CLDN14: variants seen among roughly 807,000 people sequenced by gnomAD.
The protein encoded by CLDN14 is claudin-14.
Under a neutral mutation model 2.1 loss-of-function variants are expected in CLDN14, and 2 were observed. The ratio of observed to expected loss-of-function variants is 0.96; its 90% confidence interval spans 0.39 to 3.01. The LOEUF (loss-of-function observed/expected upper bound fraction) is 3.01, where lower values mean the gene tolerates loss of function less well. CLDN14 is among the 30% of genes most tolerant of loss of function. CLDN14 has a pLI of 0.09. For synonymous variants in CLDN14, 136 were observed against 154.4 expected, an observed-to-expected ratio of 0.88 and a Z score of 0.88; for missense variants, 298 against 328.0, an observed-to-expected ratio of 0.91 and a Z score of 0.71.
intron 1 of CLDN14, among the ~76,000 whole-genome samples, chr21:36,561,943 A>C (rs1370903168): frequency 3.7e-5 from 2 of 54,086 alleles, no homozygotes; most frequent in African/African-American, 9.4e-5. Context: ...TCTCTCAAAA[A>C]GACTTGACTT....
chr21:36,502,042 G>A (rs1285614761), intron 2 of CLDN14, among the ~76,000 whole-genome samples: 1 of 152,092 alleles, frequency 6.6e-6, no homozygotes, highest in African/African-American at 2.4e-5. Flanking sequence ...AGGCAGGATG[G>A]AAGGGGTTAA....
In CLDN14 at chr21:36,499,305, A is replaced by G. The variant is rs2087070843; in HGVS notation, c.-82+11058T>C. Among the ~76,000 whole-genome samples the G allele has an allele frequency of 6.6e-6, 1 of 152,148 alleles. No individual in the cohort carries two copies. Among genetic ancestry groups the G allele is most frequent in the African/African-American group, 2.4e-5 (1 of 41,430 alleles). On this transcript the variant is annotated intron_variant, in intron 2 of 2. Transcript: ENST00000342108. The surrounding 1 kb of genome is among the most constrained non-coding windows in gnomAD (Gnocchi z 4.7). Reference sequence around the variant, plus strand: ...TACTCTGTCGCCCAGGCTGGAGTGCAGTGGTGTGATCTCAGCTCGCTGCAA... The same window carrying G: ...TACTCTGTCGCCCAGGCTGGAGTGCGGTGGTGTGATCTCAGCTCGCTGCAA...
rs1568868900 is a variant in CLDN14 at position 36,523,791 on chromosome 21, GAAAGAAAGAA to G, written c.-219-13301_-219-13292del. ...AGAAAGAGAGAAAGAGAGAAAGAAAGAAAGAAAGAAAGAAAGAAAGAAAGAAAGAAAGAAA... is the reference window on the plus strand; with the variant it reads ...AGAAAGAGAGAAAGAGAGAAAGAAAGAGAAAGAAAGAAAGAAAGAAAGAAA... On this transcript the variant is annotated intron_variant, in intron 1 of 2. Coordinates refer to the CLDN14 transcript ENST00000342108. 2.8e-4 allele frequency among the ~76,000 whole-genome samples: 23 copies of G among 83,416 alleles called. 4 individuals are homozygous for G. In the Middle Eastern group the frequency reaches 0.014, roughly 49 times the overall value. The allele number at this position is 83,416 out of a possible 152,430, so 54.7% of individuals were successfully genotyped here. A position where few individuals can be genotyped will look rare whatever the true frequency, so the allele number is the denominator to read the frequency against.
chr21:36,562,333 G>A (rs1343928532), intron 1 of CLDN14, among the ~76,000 whole-genome samples: 2 of 152,124 alleles, frequency 1.3e-5, no homozygotes, highest in Middle Eastern at 3.2e-3. Context: ...AGGGACCCAA[G>A]GGCAGGAAGT....
At chr21:36,539,389 G>C (rs1413601468) in intron 1 of CLDN14, among the ~76,000 whole-genome samples, 2 of 128,130 alleles carry the variant, frequency 1.6e-5, no homozygotes, top group African/African-American at 8.0e-5. Flanking sequence ...TGTGTGGAGT[G>C]AGTGTGTGTG....
At chr21:36,506,608 AAAAAG>A (rs968285304) in intron 2 of CLDN14, among the ~76,000 whole-genome samples, 2 of 151,896 alleles carry the variant, frequency 1.3e-5, no homozygotes, top group African/African-American at 4.8e-5. Context: ...AAAAAAAAAA[AAAAAG>A]AAAGAACAAA....
At chr21:36,505,415 C>T (rs2087124021) in intron 2 of CLDN14, among the ~76,000 whole-genome samples, 2 of 152,138 alleles carry the variant, frequency 1.3e-5, no homozygotes. Context: ...ACGATGAAGC[C>T]ATCATACTCC....
At chr21:36,476,698 G>A (rs1265100300) in intron 1 of CLDN14, among the ~76,000 whole-genome samples, 1 of 152,124 alleles carries the variant, frequency 6.6e-6, no homozygotes, top group East Asian at 1.9e-4. Flanking sequence ...TGATCCACCC[G>A]CCTTGGACTC....
At chr21:36,478,978 C>A (rs540833958) in intron 1 of CLDN14, among the ~76,000 whole-genome samples, 26 of 152,176 alleles carry the variant, frequency 1.7e-4, no homozygotes, top group East Asian at 1.9e-4. Context: ...CACTTCCCCC[C>A]CTCTCCTGCC....
chr21:36,574,365 T>C (rs1199154014), intron 1 of CLDN14, among the ~76,000 whole-genome samples: 5 of 152,184 alleles, frequency 3.3e-5, no homozygotes, highest in African/African-American at 9.7e-5. Context: ...AATGGAATAC[T>C]ATACAGAAAT....
At chr21:36,466,329 C>T (rs1046747675) in intron 1 of CLDN14, 5 of 152,150 alleles carry the variant, frequency 3.3e-5, no homozygotes, top group African/African-American at 1.2e-4. Flanking sequence ...CTGCCCGAGA[C>T]GGGTAATTTA....
chr21:36,490,971 CA>C (rs1568856323), intron 2 of CLDN14, among the ~76,000 whole-genome samples: 1 of 151,932 alleles, frequency 6.6e-6, no homozygotes, highest in East Asian at 1.9e-4. Flanking sequence ...CACACACACA[CA>C]CACACACACA....
intron 1 of CLDN14, among the ~76,000 whole-genome samples, chr21:36,536,025 C>T (rs746984325): frequency 6.6e-6 from 1 of 152,184 alleles, no homozygotes; most frequent in African/African-American, 2.4e-5. Context: ...GGGAGGAGAA[C>T]GCAGCCCTGC....
At chr21:36,490,378 T>C (rs970066602) in intron 2 of CLDN14, among the ~76,000 whole-genome samples, 18 of 144,302 alleles carry the variant, frequency 1.2e-4, no homozygotes, top group African/African-American at 4.8e-4. Context: ...AGTTCAATTT[T>C]TTTTTAATTT....
At chr21:36,561,005 C>T (rs2087630714) in intron 1 of CLDN14, among the ~76,000 whole-genome samples, 1 of 151,998 alleles carries the variant, frequency 6.6e-6, no homozygotes, top group Non-Finnish European at 1.5e-5. Context: ...GCATACAAAA[C>T]ATAATCTTAT....
In CLDN14 at chr21:36,528,842, C is replaced by T. The variant is rs59758270; in HGVS notation, c.-219-18342G>A. Among the ~76,000 whole-genome samples, 415 of 152,328 alleles carry T rather than the reference C, an allele frequency of 2.7e-3. 1 individual carries two copies. The highest frequency in any genetic ancestry group is 9.7e-3 in the African/African-American group (403 of 41,576). On this transcript the variant is annotated intron_variant, in intron 1 of 2. Transcript: ENST00000342108. ...AACAGCTTCCTCCCTCCTCCTCTCC[C>T]CCTTCTCCACCACAGGCAGCATCTG...
At chr21:36,484,156 C>T (rs1450913272), upstream of CLDN14, among the ~76,000 whole-genome samples, 1 of 152,184 alleles carries the variant, frequency 6.6e-6, no homozygotes, top group East Asian at 1.9e-4. Flanking sequence ...TAGACCCTTT[C>T]CTTAGGAAAA....
At chr21:36,552,716 T>C (rs1184030402) in intron 1 of CLDN14, among the ~76,000 whole-genome samples, 2 of 101,528 alleles carry the variant, frequency 2.0e-5, no homozygotes, top group African/African-American at 6.1e-5. Context: ...AAACAAAAAA[T>C]CTTCCTGAAT....
In CLDN14 at chr21:36,559,302, T is replaced by C. The variant is rs1394875233; in HGVS notation, c.-220+17109A>G. Among the ~76,000 whole-genome samples, 3 of 152,352 alleles carry C rather than the reference T, an allele frequency of 2.0e-5. No homozygotes were observed. The East Asian group carries it at 5.8e-4, about 29-fold the overall frequency. ...ACCTCCGCCTCCTGGGTTCAAGTGA[T>C]TCTCCTGCCTCAGCCTCCCAGGTAG... On this transcript the variant is annotated intron_variant, in intron 1 of 2. Transcript: ENST00000342108.
Sources: gnomAD v4.1 joint callset for allele counts (sites outside exome capture counted in the v4.1 genomes callset) on GRCh38, gnomAD v4.1.1 for gene constraint, Gnocchi (gnomAD v3.1) non-coding constraint, MANE v1.5 for transcripts, NCBI Gene and HGNC (gene_info 2026-07-23, HGNC 2026-07-21) for gene names.